The following NLRP2 variants were observed in gnomAD, a reference collection of about 807,000 sequenced individuals.
NLRP2 encodes NACHT, LRR and PYD domains-containing protein 2.
NLRP2 carries 107 observed loss-of-function variants against 97.2 expected under a neutral mutation model. That is an observed-to-expected ratio of 1.10 (90% CI 0.94 to 1.29). The LOEUF (loss-of-function observed/expected upper bound fraction) is 1.29. Ranked by LOEUF, NLRP2 falls within the 50% of genes most tolerant of loss-of-function variation. NLRP2 has a pLI of 0.00. For synonymous variants in NLRP2, 663 were observed against 551.5 expected (o/e 1.20, Z -2.83); for missense variants, 1,495 against 1,330.3 (o/e 1.12, Z -1.93).
intron 2 of NLRP2, among the ~76,000 whole-genome samples, chr19:54,971,995 ATTTTT>A (rs61335843): frequency 7.0e-4 from 82 of 116,404 alleles, no homozygotes; most frequent in African/African-American, 2.6e-3. Context: ...TGCCTGGCTG[ATTTTT>A]TTTTTTTTTT....
In NLRP2 at chr19:55,001,005, T is replaced by G; in HGVS notation, c.*107T>G. The G allele has an allele frequency of 1.0e-6, 1 of 978,550 alleles. No individual in the cohort carries two copies. Among genetic ancestry groups the G allele is most frequent in the Non-Finnish European group, 1.6e-6 (1 of 616,158 alleles). The allele number at this position is 978,550 out of a possible 1,614,324, so 60.6% of individuals were successfully genotyped here. On this transcript the variant is annotated 3_prime_UTR_variant, in exon 13 of 13. Transcript: ENST00000448584. ...GCCCCTACCCCTCAGGGATAATGAG[T>G]TCATTGCTGGGCTAGATGTTTTAGC... is the stretch of plus-strand genomic sequence containing the variant.
intron 3 of NLRP2, among the ~76,000 whole-genome samples, 163 bp from the exon 4 acceptor site, chr19:54,977,589 C>CATGGCCT (rs1008320968): frequency 2.0e-5 from 3 of 151,708 alleles, no homozygotes; most frequent in African/African-American, 7.3e-5. Context: ...AACCTGGGAT[C>CATGGCCT]ATGGCCTAAT....
At chr19:54,996,094 G>A (rs987154862) in intron 11 of NLRP2, among the ~76,000 whole-genome samples, 16 of 149,440 alleles carry the variant, frequency 1.1e-4, no homozygotes, top group Admixed American at 9.4e-4. Context: ...TCACTGACAC[G>A]TGTAGAGGAG....
intron 8 of NLRP2, 28 bp downstream of exon 8, chr19:54,986,343 C>A: frequency 6.2e-7 from 1 of 1,602,528 alleles, no homozygotes. Context: ...TAAAATCCTT[C>A]ATCATACAAA....
chr19:54,992,563 TTTTTTTTTTGG>T (rs2072555757), intron 10 of NLRP2, among the ~76,000 whole-genome samples: 1 of 135,466 alleles, frequency 7.4e-6, no homozygotes, highest in African/African-American at 2.8e-5. Flanking sequence ...TTTCTTTTTT[TTTTTTTTTTGG>T]TTTTTTTTTT....
Position 54,970,037 on chromosome 19 carries a change from G to A in NLRP2, c.22G>A (p.Gly8Ser). The change falls in exon 2 of 13, where the codon GGC (glycine) becomes AGC (serine). Residue 8 changes from glycine (G) to serine (S), a missense_variant. Transcript: ENST00000448584. MVSSAQMGFNLQALLEQL... is the reference protein window; with the variant it reads MVSSAQMSFNLQALLEQL... Reference sequence around the variant, plus strand: ...CAAGATGGTGTCTTCGGCGCAGATGGGCTTCAACCTGCAGGCTCTCCTGGA... The same window carrying A: ...CAAGATGGTGTCTTCGGCGCAGATGAGCTTCAACCTGCAGGCTCTCCTGGA... 6.2e-7 allele frequency: 1 copy of A among 1,613,856 alleles called. No individual in the cohort carries two copies. The highest frequency in any genetic ancestry group is 8.5e-7 in the Non-Finnish European group (1 of 1,180,012).
rs139188956 is a variant in NLRP2, at chr19:54,969,552, G to A, written c.-17-447G>A. ...TGCCCATAATCCCAGCTAGTCGGGA[G>A]GCTGAGGCAGGAGAACTGTTTGAAC... On this transcript the variant is annotated intron_variant, in intron 1 of 12. Transcript: ENST00000448584. Among the ~76,000 whole-genome samples the A allele has an allele frequency of 6.5e-3, 984 of 152,246 alleles. 8 individuals are homozygous for A. Among genetic ancestry groups the A allele is most frequent in the African/African-American group, 0.022 (932 of 41,542 alleles).
At position 54,982,429 on chromosome 19, in the gene NLRP2, A is replaced by C. The variant is rs1428455710; in HGVS notation, c.731A>C (p.Tyr244Ser). Residue 244 changes from tyrosine to serine, a missense_variant, in exon 6 of 13, where the codon TAC (tyrosine) becomes TCC (serine). Coordinates refer to ENST00000448584, the MANE Select transcript of NLRP2 (RefSeq NM_017852.5). The part of the protein sequence containing the change: ...NLIHKFKYAF[Y>S]LSCRELSRLG... ...ATCCACAAATTCAAATATGCGTTCTACCTCAGCTGCAGGGAGCTCAGCCGC... is the reference window on the plus strand; with the variant it reads ...ATCCACAAATTCAAATATGCGTTCTCCCTCAGCTGCAGGGAGCTCAGCCGC... The C allele has an allele frequency of 1.2e-6, 2 of 1,613,958 alleles. No individual in the cohort carries two copies. Among genetic ancestry groups the C allele is most frequent in the African/African-American group, 2.7e-5 (2 of 74,896 alleles).
At chr19:54,996,675 C>G (rs745858410) in intron 11 of NLRP2, among the ~76,000 whole-genome samples, 5 of 152,022 alleles carry the variant, frequency 3.3e-5, no homozygotes, top group Non-Finnish European at 5.9e-5. Context: ...CACTCATGCC[C>G]GCTGCCTGGA....
At chr19:54,994,864 C>T (rs1169972319) in intron 11 of NLRP2, among the ~76,000 whole-genome samples, 1 of 151,536 alleles carries the variant, frequency 6.6e-6, no homozygotes, top group Non-Finnish European at 1.5e-5. Context: ...CCATCTCGGC[C>T]TCCCAAAGTG....
In NLRP2 at chr19:54,983,424, CG is replaced by C; in HGVS notation, c.1728del (p.Met577CysfsTer14). On this transcript the variant is annotated frameshift_variant, in exon 6 of 13. Coordinates refer to ENST00000448584, the MANE Select transcript of NLRP2 (RefSeq NM_017852.5). LOFTEE classifies it high-confidence loss of function. ...GGAGTTGGAGGCCACTTTTGGCTGC[CG>C]GATGTCACCGGACATCAAACAGGAA... ...AKELEATFGC[R>X]MSPDIKQELL... 1 of 1,614,134 alleles carries C rather than the reference CG, an allele frequency of 6.2e-7. No individual in the cohort carries two copies. Among genetic ancestry groups the C allele is most frequent in the South Asian group, 1.1e-5 (1 of 91,070 alleles).
rs1171985065 is a variant in NLRP2, at chr19:54,973,969, G to A, written c.281-531G>A. ...GTGGCTATGGTGGGCAGACTAAGCC[G>A]ATTTTCCGGAAAAAGGCTAAAACTA... On this transcript the variant is annotated intron_variant, in intron 2 of 12. Coordinates refer to ENST00000448584, the MANE Select transcript of NLRP2 (RefSeq NM_017852.5). 3.8e-5 allele frequency: 41 copies of A among 1,083,584 alleles called. No homozygotes were observed. The South Asian group carries it at 4.1e-4, about 11-fold the overall frequency. 67.1% of individuals were successfully genotyped at this position (1,083,584 alleles called of 1,614,324 possible).
At chr19:54,992,065 C>G (rs1016006820) in intron 10 of NLRP2, among the ~76,000 whole-genome samples, 1 of 150,870 alleles carries the variant, frequency 6.6e-6, no homozygotes, top group Non-Finnish European at 1.5e-5. Context: ...TACAGGCACT[C>G]ACCACCACGC....
At chr19:54,985,322 C>G in intron 7 of NLRP2, 105 bp downstream of exon 7, 1 of 1,077,162 alleles carries the variant, frequency 9.3e-7, no homozygotes, top group Admixed American at 1.8e-5. Context: ...CTTAAGTGCT[C>G]GAGACACAGG....
chr19:54,981,839 C>T (rs1187432288), intron 5 of NLRP2, among the ~76,000 whole-genome samples, 157 bp downstream of exon 5: 2 of 152,020 alleles, frequency 1.3e-5, no homozygotes, highest in Admixed American at 6.6e-5. Context: ...AGTGCCGTGG[C>T]GTGATCTCGA....
chr19:54,981,509 G>GGCCCCCCC, intron 4 of NLRP2, 108 bp from the exon 5 acceptor site: 15 of 386,502 alleles, frequency 3.9e-5, no homozygotes, highest in East Asian at 5.5e-5. Flanking sequence ...CTGATCCCGT[G>GGCCCCCCC]CCCCCCCTCC....
chr19:54,982,313 C>T lies in NLRP2; in HGVS notation c.615C>T (p.Phe205=). Residue 205 remains phenylalanine (F), a synonymous_variant, in exon 6 of 13, where the codon TTC becomes TTT. Coordinates refer to ENST00000448584, the MANE Select transcript of NLRP2 (RefSeq NM_017852.5). ...ACCCCAGGGTGCTTCCCGGGCCCTT[C>T]TCATACACGGTGGTGCTGTATGGTC... The part of the protein sequence containing the change: ...FSNPRVLPGP[F]SYTVVLYGPA... 1 of 1,614,138 alleles carries T rather than the reference C, an allele frequency of 6.2e-7. No individual in the cohort carries two copies. The highest frequency in any genetic ancestry group is 8.5e-7 in the Non-Finnish European group (1 of 1,180,028).
intron 3 of NLRP2, among the ~76,000 whole-genome samples, chr19:54,975,886 G>T (rs935158300): frequency 6.6e-6 from 1 of 152,060 alleles, no homozygotes; most frequent in South Asian, 2.1e-4. Flanking sequence ...GAGTAGCTGG[G>T]ACTACAGGTG....
intron 2 of NLRP2, among the ~76,000 whole-genome samples, chr19:54,972,626 A>G (rs114179704): frequency 5.3e-5 from 8 of 150,402 alleles, no homozygotes; most frequent in African/African-American, 2.0e-4. Flanking sequence ...TCTTGTATAT[A>G]TATATATTTT....
Sources: allele counts gnomAD v4.1 joint callset (sites outside exome capture counted in the v4.1 genomes callset), GRCh38; gene constraint gnomAD v4.1.1; transcripts MANE v1.5; gene names NCBI Gene and HGNC (gene_info 2026-07-23, HGNC 2026-07-21).